Variants in CFH observed in about 807,000 individuals in gnomAD.
The protein encoded by CFH is complement factor H, also known as H factor 1 (complement).
A neutral mutation model predicts 147.3 loss-of-function variants in CFH; 53 were observed. That is an observed-to-expected ratio of 0.36 (90% CI 0.29 to 0.45). The LOEUF is 0.45. Ranked by LOEUF, CFH falls within the 20% of genes least tolerant of loss-of-function variation. CFH has a pLI of 1.00. For missense variants in CFH, 1,380 were observed against 1,498.0 expected, an observed-to-expected ratio of 0.92 and a Z score of 1.30; for synonymous variants, 536 against 489.4, an observed-to-expected ratio of 1.10 and a Z score of -1.26.
At chr1:196,698,064 T>C (rs1213463116) in intron 9 of CFH, among the ~76,000 whole-genome samples, 1 of 149,564 alleles carries the variant, frequency 6.7e-6, no homozygotes, top group East Asian at 2.0e-4. Flanking sequence ...AAATGAAGAG[T>C]TAATGGGTGC....
intron 1 of CFH, among the ~76,000 whole-genome samples, chr1:196,667,368 G>A (rs1450250918): frequency 6.6e-6 from 1 of 152,160 alleles, no homozygotes; most frequent in African/African-American, 2.4e-5. Flanking sequence ...GCCAGCTCCA[G>A]CAAACATTGT....
chr1:196,742,432 A>G (rs1652839323), intron 19 of CFH, among the ~76,000 whole-genome samples: 1 of 152,184 alleles, frequency 6.6e-6, no homozygotes, highest in Non-Finnish European at 1.5e-5. Flanking sequence ...ATTTATATAG[A>G]GTGTTTTGGG....
intron 9 of CFH, among the ~76,000 whole-genome samples, chr1:196,702,274 C>T (rs1395737659): frequency 6.6e-6 from 1 of 151,998 alleles, no homozygotes; most frequent in Admixed American, 6.6e-5. Flanking sequence ...TATAACCCAA[C>T]AGGGGACTCC....
chr1:196,687,028 G>A (rs1667852715), intron 7 of CFH, among the ~76,000 whole-genome samples: 1 of 152,074 alleles, frequency 6.6e-6, no homozygotes, highest in Admixed American at 6.6e-5. Flanking sequence ...TAAGGAATCT[G>A]CATTAGGGCA....
At position 196,703,600 on chromosome 1, in the gene CFH, G is replaced by T. The variant is rs1412062146; in HGVS notation, c.1337-10135G>T. On this transcript the variant is annotated intron_variant, in intron 9 of 21. Coordinates refer to ENST00000367429, the MANE Select transcript of CFH (RefSeq NM_000186.4). ...TATCTGGTGGTCTAAACTTTCCTCA[G>T]AAATAATGAAGGTGACTGAAATCTC... Among the ~76,000 whole-genome samples, 8 of 152,102 alleles carry T rather than the reference G, an allele frequency of 5.3e-5. No homozygotes were observed. In the East Asian group the frequency reaches 1.5e-3, roughly 29 times the overall value.
chr1:196,714,668 T>TATATATATATATATATAGAGAG (rs1362376856), intron 10 of CFH, among the ~76,000 whole-genome samples: 1 of 21,306 alleles, frequency 4.7e-5, no homozygotes, highest in Non-Finnish European at 8.4e-5. Flanking sequence ...TATATATATA[T>TATATATATATATATATAGAGAG]AGAGAGAGAG....
intron 9 of CFH, among the ~76,000 whole-genome samples, chr1:196,707,323 G>A (rs1484780998): frequency 6.6e-6 from 1 of 152,048 alleles, no homozygotes; most frequent in Admixed American, 6.6e-5. Context: ...TACCTTCTCA[G>A]ACTAAGGAAT....
intron 11 of CFH, among the ~76,000 whole-genome samples, chr1:196,717,566 A>C (rs1168136999): frequency 6.6e-6 from 1 of 152,146 alleles, no homozygotes; most frequent in African/African-American, 2.4e-5. Flanking sequence ...GAATCTGCCA[A>C]TAAAAATAAT....
At chr1:196,656,686 G>GTTT (rs563378238) in intron 1 of CFH, among the ~76,000 whole-genome samples, 4,089 of 132,426 alleles carry the variant, frequency 0.031, 223 homozygotes, top group African/African-American at 0.09. Flanking sequence ...TGTGTGTTGC[G>GTTT]TTTTTTTTTT....
chr1:196,728,732 C>T (rs549229012), intron 15 of CFH, among the ~76,000 whole-genome samples: 60 of 139,594 alleles, frequency 4.3e-4, no homozygotes, highest in African/African-American at 1.4e-3. Flanking sequence ...CACACACACA[C>T]GCACACACAC....
chr1:196,732,563 A>G (rs1209637566), intron 15 of CFH, among the ~76,000 whole-genome samples: 3 of 152,026 alleles, frequency 2.0e-5, no homozygotes, highest in African/African-American at 7.2e-5. Context: ...GTTTCTATGC[A>G]ATAGATAAGA....
chr1:196,728,315 G>C (rs775185849), intron 14 of CFH, 31 bp from the exon 15 acceptor site: 1 of 1,304,706 alleles, frequency 7.7e-7, no homozygotes, highest in South Asian at 1.5e-5. Context: ...CCTATCATTT[G>C]AATTTTCATA....
intron 9 of CFH, among the ~76,000 whole-genome samples, chr1:196,700,097 A>G (rs531282054): frequency 6.6e-6 from 1 of 152,292 alleles, no homozygotes; most frequent in South Asian, 2.1e-4. Context: ...AAGAAACTCA[A>G]CTTAGGGAAG....
chr1:196,658,318 G>T (rs1186754595), intron 1 of CFH, among the ~76,000 whole-genome samples: 1 of 151,644 alleles, frequency 6.6e-6, no homozygotes, highest in Non-Finnish European at 1.5e-5. Flanking sequence ...TGCAATCATG[G>T]CTCACTGCAG....
chr1:196,743,102 A>G (rs1652869093), intron 19 of CFH, among the ~76,000 whole-genome samples: 1 of 152,152 alleles, frequency 6.6e-6, no homozygotes, highest in Admixed American at 6.6e-5. Context: ...TGCATTTTAT[A>G]AATTAATGTT....
At chr1:196,741,792 G>T (rs1349484433) in intron 18 of CFH, 83 bp from the exon 19 acceptor site, 2 of 1,256,910 alleles carry the variant, frequency 1.6e-6, no homozygotes, top group African/African-American at 1.5e-5. Context: ...TCTATATATC[G>T]CTATTTTAGA....
intron 9 of CFH, among the ~76,000 whole-genome samples, chr1:196,700,141 C>T (rs921172541): frequency 2.6e-5 from 4 of 152,128 alleles, no homozygotes; most frequent in African/African-American, 9.7e-5. Context: ...ATTTCAGCCC[C>T]CTTACCCGAA....
At chr1:196,672,899 T>G in intron 1 of CFH, 79 bp from the exon 2 acceptor site, 1 of 1,247,596 alleles carries the variant, frequency 8.0e-7, no homozygotes, top group Non-Finnish European at 1.1e-6. Flanking sequence ...CTAGGCATTT[T>G]TAAAAGCAAC....
At position 196,685,221 on chromosome 1, in the gene CFH, T is replaced by A; in HGVS notation, c.948T>A (p.Pro316=). The A allele has an allele frequency of 6.2e-7, 1 of 1,612,894 alleles. No homozygotes were observed. ...AATGCACAAGTACTGGCTGGATACC[T>A]GCTCCGAGATGTACCTGTAAGTTCC... ...TAKCTSTGWI[P]APRCTLKPCD... is the part of the protein sequence containing the mutation. Residue 316 remains proline, a synonymous_variant, in exon 7 of 22, where the codon CCT becomes CCA. Transcript: ENST00000367429.
Sources: gnomAD v4.1 joint callset for allele counts (sites outside exome capture counted in the v4.1 genomes callset) on GRCh38, gnomAD v4.1.1 for gene constraint, MANE v1.5 for transcripts, NCBI Gene and HGNC (gene_info 2026-07-23, HGNC 2026-07-21) for gene names.